Variants in DPP6 observed in about 807,000 individuals in gnomAD.
The protein encoded by DPP6 is dipeptidyl peptidase like 6.
A neutral mutation model predicts 122.6 loss-of-function variants in DPP6; 69 were observed. That is an observed-to-expected ratio of 0.56 (90% CI 0.46 to 0.69). The LOEUF (loss-of-function observed/expected upper bound fraction) is 0.69, where lower values mean the gene tolerates loss of function less well. Among genes scored for constraint, DPP6 ranks in the 30% least tolerant of loss-of-function variants. DPP6 has a pLI of 0.00. For synonymous variants in DPP6, 418 were observed against 433.1 expected, an observed-to-expected ratio of 0.97 and a Z score of 0.43; for missense variants, 928 against 1,116.9, an observed-to-expected ratio of 0.83 and a Z score of 2.41.
At chr7:154,328,878 T>G (rs1456246258) in intron 1 of DPP6, among the ~76,000 whole-genome samples, 2 of 152,170 alleles carry the variant, frequency 1.3e-5, no homozygotes, top group Non-Finnish European at 2.9e-5. Flanking sequence ...CTGTGTGGCT[T>G]CATGGACATG....
At chr7:153,815,543 A>G in the DPP6 span, among the ~76,000 whole-genome samples, 1 of 124,314 alleles carries the variant, frequency 8.0e-6, no homozygotes, top group African/African-American at 3.1e-5. Context: ...AGCAGTCCCC[A>G]GAGTGTGGCG....
At chr7:153,801,065 C>T in the DPP6 span, among the ~76,000 whole-genome samples, 1 of 150,720 alleles carries the variant, frequency 6.6e-6, no homozygotes, top group Non-Finnish European at 1.5e-5. Flanking sequence ...GTATAAACTG[C>T]AGCAAATGCA....
intron 4 of DPP6, among the ~76,000 whole-genome samples, chr7:154,565,169 C>T (rs1343898953): frequency 6.6e-6 from 1 of 152,112 alleles, no homozygotes; most frequent in Non-Finnish European, 1.5e-5. Context: ...AAAAGAAAGA[C>T]ACATAAAACA....
chr7:154,478,392 C>G (rs1415121955), intron 3 of DPP6, among the ~76,000 whole-genome samples: 5 of 152,126 alleles, frequency 3.3e-5, no homozygotes, highest in African/African-American at 1.2e-4. Context: ...TTACCCACCA[C>G]CACCATCTAT....
chr7:154,771,359 G>A (rs896047930), intron 9 of DPP6, among the ~76,000 whole-genome samples: 12 of 152,240 alleles, frequency 7.9e-5, no homozygotes, highest in African/African-American at 2.7e-4. Flanking sequence ...GGTTCCTGGT[G>A]AGGGCTCTCT....
chr7:153,793,245 G>T, the DPP6 span, among the ~76,000 whole-genome samples: 1 of 151,932 alleles, frequency 6.6e-6, no homozygotes, highest in Non-Finnish European at 1.5e-5. Context: ...GAGACTTGCT[G>T]AATGGCTTTG....
Position 154,619,089 on chromosome 7 carries a change from G to A in DPP6, c.628-18732G>A, listed in dbSNP as rs192272316. ...TAAGATGTGACTTTGCTCCTCATTT[G>A]CCTTCAGCCATGATGATGAGGCCTC... On this transcript the variant is annotated intron_variant, in intron 5 of 25. Coordinates refer to ENST00000377770, the MANE Select transcript of DPP6 (RefSeq NM_130797.4). 8.1e-3 allele frequency among the ~76,000 whole-genome samples: 1,228 copies of A among 152,208 alleles called. 52 individuals carry two copies. The highest frequency in any genetic ancestry group is 0.074 in the Admixed American group (1,125 of 15,286).
rs148091082 is a variant in DPP6 at position 154,202,155 on chromosome 7, A to G, written c.243+149092A>G. 1.1e-3 allele frequency among the ~76,000 whole-genome samples: 167 copies of G among 152,204 alleles called. 1 individual carries two copies. Among genetic ancestry groups the G allele is most frequent in the African/African-American group, 3.8e-3 (159 of 41,526 alleles). On this transcript the variant is annotated intron_variant, in intron 1 of 25. Coordinates refer to ENST00000377770, the MANE Select transcript of DPP6 (RefSeq NM_130797.4). ...ATATAAAATGCTCATGCATTTCCCCATTTCCCAAATGTCCATGGCATGAGT... is the reference window on the plus strand; with the variant it reads ...ATATAAAATGCTCATGCATTTCCCCGTTTCCCAAATGTCCATGGCATGAGT...
chr7:154,084,989 CAAA>C (rs370222780), intron 1 of DPP6, among the ~76,000 whole-genome samples: 17 of 78,430 alleles, frequency 2.2e-4, no homozygotes, highest in African/African-American at 9.1e-4. Context: ...GACTCCGTCT[CAAA>C]AAAAAAAAAA....
chr7:154,575,123 G>GT (rs1831473463), intron 5 of DPP6, among the ~76,000 whole-genome samples: 1 of 142,898 alleles, frequency 7.0e-6, no homozygotes, highest in Non-Finnish European at 1.5e-5. Flanking sequence ...GTGTGTGTGT[G>GT]GTGTGTGTGT....
intron 6 of DPP6, among the ~76,000 whole-genome samples, chr7:154,656,571 A>G (rs1428063281): frequency 6.6e-6 from 1 of 152,214 alleles, no homozygotes; most frequent in Non-Finnish European, 1.5e-5. Flanking sequence ...AGCTTTAAAA[A>G]TGGATGGAAG....
intron 8 of DPP6, among the ~76,000 whole-genome samples, chr7:154,754,735 A>G (rs1208497617): frequency 6.6e-6 from 1 of 152,234 alleles, no homozygotes; most frequent in African/African-American, 2.4e-5. Context: ...CCAAATGCTC[A>G]TCAATGATAG....
At chr7:154,223,573 T>C (rs1800425097) in intron 1 of DPP6, among the ~76,000 whole-genome samples, 1 of 149,094 alleles carries the variant, frequency 6.7e-6, no homozygotes, top group African/African-American at 2.6e-5. Flanking sequence ...TGAGATCAAA[T>C]TGAAATCCGA....
chr7:154,075,035 C>T (rs1358635961), intron 1 of DPP6, among the ~76,000 whole-genome samples: 1 of 151,388 alleles, frequency 6.6e-6, no homozygotes, highest in Non-Finnish European at 1.5e-5. Flanking sequence ...TACAAATGGC[C>T]AACAAACATA....
rs188426597 is a variant in DPP6 at position 154,831,673 on chromosome 7, G to C, written c.1667-22107G>C. Among the ~76,000 whole-genome samples the C allele has an allele frequency of 1.6e-4, 25 of 152,276 alleles. No individual in the cohort carries two copies. The East Asian group carries it at 2.9e-3, about 18-fold the overall frequency. Reference sequence around the variant, plus strand: ...ACATTTTCCCATTCAGTATGAGTGGGAGCATTTTATTAGCCATAATCAAGT... The same window carrying C: ...ACATTTTCCCATTCAGTATGAGTGGCAGCATTTTATTAGCCATAATCAAGT... On this transcript the variant is annotated intron_variant, in intron 16 of 25. Transcript: ENST00000377770.
intron 17 of DPP6, among the ~76,000 whole-genome samples, chr7:154,860,304 T>C (rs892514964): frequency 6.6e-6 from 1 of 152,124 alleles, no homozygotes; most frequent in African/African-American, 2.4e-5. Flanking sequence ...AGCATGGCAT[T>C]CCAGAGGGCC....
At chr7:154,344,845 G>A (rs559688638) in intron 1 of DPP6, among the ~76,000 whole-genome samples, 8 of 152,256 alleles carry the variant, frequency 5.3e-5, no homozygotes, top group African/African-American at 1.9e-4. Context: ...CTGAGATCAT[G>A]TCACTGCACT....
intron 16 of DPP6, among the ~76,000 whole-genome samples, chr7:154,845,000 G>T (rs1299234455): frequency 6.6e-6 from 1 of 152,156 alleles, no homozygotes; most frequent in African/African-American, 2.4e-5. Flanking sequence ...CCCTATGTAC[G>T]AACAGAGAGA....
intron 1 of DPP6, among the ~76,000 whole-genome samples, chr7:154,209,447 A>G (rs1456224257): frequency 1.3e-5 from 2 of 152,124 alleles, no homozygotes; most frequent in Non-Finnish European, 2.9e-5. Flanking sequence ...GGGCAGTGGT[A>G]ACTCTAGTTT....
Sources: gnomAD v4.1 joint callset for allele counts (sites outside exome capture counted in the v4.1 genomes callset) on GRCh38, gnomAD v4.1.1 for gene constraint, MANE v1.5 for transcripts, NCBI Gene and HGNC (gene_info 2026-07-23, HGNC 2026-07-21) for gene names.